Variants in FAM89A observed in about 807,000 individuals in gnomAD.
The protein encoded by FAM89A is family with sequence similarity 89 member A.
Under a neutral mutation model 7.1 loss-of-function variants are expected in FAM89A, and 10 were observed. The ratio of observed to expected loss-of-function variants is 1.40; its 90% CI spans 0.86 to 2.38. FAM89A has a LOEUF of 2.38. Ranked by LOEUF, FAM89A falls within the 30% of genes most tolerant of loss-of-function variation. The probability of loss-of-function intolerance (pLI) is 0.00; values close to 1 mark genes in which losing one functional copy is unlikely to be tolerated. For synonymous variants in FAM89A, 157 were observed against 129.3 expected (o/e 1.21, Z -1.45); for missense variants, 276 against 262.8 (o/e 1.05, Z -0.35).
At chr1:231,028,490 C>T (rs890529368) in intron 1 of FAM89A, 6 of 152,152 alleles carry the variant, frequency 3.9e-5, no homozygotes, top group African/African-American at 1.4e-4. Context: ...GGGGAGCCGC[C>T]GAGCAAGCCA....
At chr1:231,039,774 T>G in intron 1 of FAM89A, 147 bp downstream of exon 1, 28 of 761,734 alleles carry the variant, frequency 3.7e-5, no homozygotes, top group Non-Finnish European at 4.9e-5. Context: ...ATGGGGGTCG[T>G]TGGGAGGACG....
chr1:231,021,530 T>G, intron 1 of FAM89A: 3 of 790,860 alleles, frequency 3.8e-6, no homozygotes, highest in Non-Finnish European at 6.3e-6. Flanking sequence ...CACGAAAGGT[T>G]GAGAACATTC....
chr1:231,021,804 A>G (rs1282507057), intron 1 of FAM89A: 5 of 1,602,276 alleles, frequency 3.1e-6, no homozygotes, highest in Non-Finnish European at 4.3e-6. Context: ...ACTCACAATG[A>G]CTCTGTTGTG....
intron 1 of FAM89A, among the ~76,000 whole-genome samples, chr1:231,027,880 C>T (rs568007953): frequency 2.8e-4 from 43 of 152,350 alleles, no homozygotes; most frequent in Admixed American, 1.2e-3. Context: ...ATCCTTTGCC[C>T]TCGGCGTCTC....
intron 1 of FAM89A, among the ~76,000 whole-genome samples, chr1:231,023,245 G>C (rs1355366776): frequency 6.6e-6 from 1 of 152,198 alleles, no homozygotes; most frequent in Non-Finnish European, 1.5e-5. Flanking sequence ...GAAGCCCACT[G>C]GGCTTGGATG....
chr1:231,027,054 C>T (rs2103072737), intron 1 of FAM89A: 1 of 152,332 alleles, frequency 6.6e-6, no homozygotes, highest in East Asian at 1.9e-4. Flanking sequence ...CAGAGCAGGT[C>T]TGCTTTTCTC....
Position 231,040,065 on chromosome 1 carries a change from G to T in FAM89A, c.147C>A (p.His49Gln), listed in dbSNP as rs775562202. The change falls in exon 1 of 2, where the codon CAC becomes CAA. Residue 49 changes from histidine (H) to glutamine (Q), a missense_variant. His to Gln is a conservative substitution (Grantham distance 24). Coordinates refer to ENST00000366654, the MANE Select transcript of FAM89A (RefSeq NM_198552.3). ...SGGGASGGWR[H>Q]LERLYAQKSR... ...ACTTCTGCGCGTACAGCCGCTCCAG[G>T]TGCCGCCAGCCCCCAGACGCGCCGC... 2.1e-6 allele frequency: 3 copies of T among 1,449,286 alleles called. No homozygotes were observed. The highest frequency in any genetic ancestry group is 3.0e-5 in the East Asian group (1 of 33,000). The allele number at this position is 1,449,286 out of a possible 1,614,324, so 89.8% of individuals were successfully genotyped here.
rs1572352118 is a variant in FAM89A at position 231,019,623 on chromosome 1, G to C, written c.*240C>G. 4 of 498,138 alleles carry C rather than the reference G, an allele frequency of 8.0e-6. No homozygotes were observed. In the East Asian group the frequency reaches 1.3e-4, roughly 17 times the overall value. 30.9% of individuals were successfully genotyped at this position (498,138 alleles called of 1,614,324 possible). ...CCCAGCAGGTGCACCTCAATAAATA[G>C]GTGTGGAGGATACTGCTGAGGACCT... On this transcript the variant is annotated 3_prime_UTR_variant, in exon 2 of 2. Transcript: ENST00000366654.
Position 231,019,310 on chromosome 1 carries a change from A to T in FAM89A, c.*553T>A, listed in dbSNP as rs1458602999. ...GATGACTAGAAATGTTAACTTTTTC[A>T]GTAAAAAGCTTTCACCGAATCACTG... On this transcript the variant is annotated 3_prime_UTR_variant, in exon 2 of 2. Transcript: ENST00000366654. The T allele has an allele frequency of 6.6e-6, 1 of 152,220 alleles. No homozygotes were observed. The highest frequency in any genetic ancestry group is 1.5e-5 in the Non-Finnish European group (1 of 68,088). 9.4% of individuals were successfully genotyped at this position (152,220 alleles called of 1,614,324 possible).
intron 1 of FAM89A, among the ~76,000 whole-genome samples, chr1:231,034,863 C>T (rs1680133925): frequency 6.6e-6 from 1 of 151,064 alleles, no homozygotes; most frequent in Admixed American, 6.6e-5. Context: ...TGCATTTGGG[C>T]AAGCAGCCTA....
intron 1 of FAM89A, among the ~76,000 whole-genome samples, chr1:231,022,897 C>T (rs761893516): frequency 3.4e-4 from 51 of 150,094 alleles, no homozygotes; most frequent in Non-Finnish European, 5.0e-4. Flanking sequence ...CATCCCAGCC[C>T]ATTTCTGCCC....
chr1:231,022,063 C>T (rs1343841964), intron 1 of FAM89A: 4 of 1,417,748 alleles, frequency 2.8e-6, no homozygotes, highest in African/African-American at 1.4e-5. Flanking sequence ...TCATCGTTTC[C>T]ACAGAATGTG....
rs1451266086 is a variant in FAM89A, at chr1:231,025,070, T to C, written c.292-4944A>G. The stretch of plus-strand genomic sequence containing the variant: ...CCCGAGTAGCTGGGACTACAGGCGC[T>C]CGCCACTACGTCCGGCTAATTTTTT... On this transcript the variant is annotated intron_variant, in intron 1 of 1. Transcript: ENST00000366654. Among the ~76,000 whole-genome samples the C allele has an allele frequency of 3.9e-5, 6 of 152,048 alleles. No individual in the cohort carries two copies. In the East Asian group the frequency reaches 5.8e-4, roughly 15 times the overall value.
In FAM89A at chr1:231,019,215, C is replaced by G. The variant is rs1443371926; in HGVS notation, c.*648G>C. The G allele has an allele frequency of 7.0e-6, 1 of 143,424 alleles. No individual in the cohort carries two copies. Among genetic ancestry groups the G allele is most frequent in the African/African-American group, 2.6e-5 (1 of 38,776 alleles). 8.9% of individuals were successfully genotyped at this position (143,424 alleles called of 1,614,324 possible). On this transcript the variant is annotated 3_prime_UTR_variant, in exon 2 of 2. Coordinates refer to ENST00000366654, the MANE Select transcript of FAM89A (RefSeq NM_198552.3). ...ACTATTCAACATGTCTTCGTATTAT[C>G]TTCCTTCCTCTCGTATCTGATAGAC...
At chr1:231,026,301 C>A (rs1679968720) in intron 1 of FAM89A, 1 of 152,596 alleles carries the variant, frequency 6.6e-6, no homozygotes, top group Non-Finnish European at 1.5e-5. Flanking sequence ...CAGAAGACAG[C>A]CAGCATAGTC....
At chr1:231,021,725 G>A (rs751186659) in intron 1 of FAM89A, 77 of 1,598,746 alleles carry the variant, frequency 4.8e-5, no homozygotes, top group African/African-American at 6.7e-5. Context: ...CATAGAACTC[G>A]TGGAAACTGC....
At chr1:231,034,401 C>A (rs1680124756) in intron 1 of FAM89A, among the ~76,000 whole-genome samples, 1 of 152,216 alleles carries the variant, frequency 6.6e-6, no homozygotes, top group Non-Finnish European at 1.5e-5. Flanking sequence ...AGAACTGTAT[C>A]ACATAGTTTA....
chr1:231,040,135 G>T lies in FAM89A; in HGVS notation c.77C>A (p.Pro26Gln), dbSNP rs571948912. Reference sequence around the variant, plus strand: ...CAGCCCGCTCAAGCTCTTTGGCAGCGGGGGCAGCCCGTCCACCCGCAGCCC... The same window carrying T: ...CAGCCCGCTCAAGCTCTTTGGCAGCTGGGGCAGCCCGTCCACCCGCAGCCC... ...VRGLRVDGLP[P>Q]LPKSLSGLLH... Residue 26 changes from proline (P) to glutamine (Q), a missense_variant, in exon 1 of 2, where the codon CCG (proline) becomes CAG (glutamine). Pro to Gln is a moderately conservative substitution (Grantham distance 76). Transcript: ENST00000366654. The T allele has an allele frequency of 3.8e-4, 507 of 1,350,296 alleles. 2 individuals are homozygous for T. The African/African-American group carries it at 6.7e-3, about 18-fold the overall frequency. The allele number at this position is 1,350,296 out of a possible 1,614,324, so 83.6% of individuals were successfully genotyped here. A position where few individuals can be genotyped will look rare whatever the true frequency, so the allele number is the denominator to read the frequency against.
In FAM89A at chr1:231,022,551, C is replaced by T. The variant is rs189838826; in HGVS notation, c.292-2425G>A. Reference sequence around the variant, plus strand: ...ACCACCTTTTGTCCCAAGTGTCTGCCGGTCGACCAATCTGCCTGCCACACA... The same window carrying T: ...ACCACCTTTTGTCCCAAGTGTCTGCTGGTCGACCAATCTGCCTGCCACACA... On this transcript the variant is annotated intron_variant, in intron 1 of 1. Transcript: ENST00000366654. Among the ~76,000 whole-genome samples, 9 of 152,224 alleles carry T rather than the reference C, an allele frequency of 5.9e-5. No individual in the cohort carries two copies. In the East Asian group the frequency reaches 1.7e-3, roughly 29 times the overall value.
Sources: gnomAD v4.1 joint callset for allele counts (sites outside exome capture counted in the v4.1 genomes callset) on GRCh38, gnomAD v4.1.1 for gene constraint, MANE v1.5 for transcripts, NCBI Gene and HGNC (gene_info 2026-07-23, HGNC 2026-07-21) for gene names.